TM9SF4: variants seen among roughly 807,000 people sequenced by gnomAD.
TM9SF4 encodes dinucleotide oxidase disulfide thiol exchanger 3 superfamily member 4.
In TM9SF4, 26 loss-of-function variants were observed where a neutral mutation model predicts 90.4. That is an observed-to-expected ratio of 0.29 (90% CI 0.21 to 0.40). TM9SF4 has a LOEUF of 0.40. Among genes scored for constraint, TM9SF4 ranks in the 10% least tolerant of loss-of-function variants. The pLI is 1.00. For synonymous variants in TM9SF4, 293 were observed against 315.4 expected (o/e 0.93, Z 0.75); for missense variants, 549 against 834.8 (o/e 0.66, Z 4.22).
At chr20:32,155,599 A>G (rs2046907683) in intron 13 of TM9SF4, among the ~76,000 whole-genome samples, 1 of 152,182 alleles carries the variant, frequency 6.6e-6, no homozygotes, top group Non-Finnish European at 1.5e-5. Context: ...AGAGGAAAGG[A>G]AGGATCAGGT....
chr20:32,146,564 A>T (rs2046765581), intron 8 of TM9SF4, among the ~76,000 whole-genome samples: 1 of 151,878 alleles, frequency 6.6e-6, no homozygotes, highest in Admixed American at 6.6e-5. Context: ...CATCCCAGCA[A>T]CCCTTTCCTC....
At chr20:32,144,742 C>T (rs2046735432) in intron 6 of TM9SF4, among the ~76,000 whole-genome samples, 1 of 152,002 alleles carries the variant, frequency 6.6e-6, no homozygotes, top group South Asian at 2.1e-4. Flanking sequence ...GGACCTTGTC[C>T]CTACAAAAAA....
At chr20:32,152,747 C>G (rs2122448931) in intron 12 of TM9SF4, among the ~76,000 whole-genome samples, 1 of 152,316 alleles carries the variant, frequency 6.6e-6, no homozygotes, top group African/African-American at 2.4e-5. Context: ...TCACCTCATC[C>G]TTTAAGTCTT....
At chr20:32,125,676 T>C (rs1029221213) in intron 1 of TM9SF4, among the ~76,000 whole-genome samples, 8 of 131,230 alleles carry the variant, frequency 6.1e-5, no homozygotes, top group South Asian at 2.4e-4. Context: ...TGATTTCTCT[T>C]TTTTCTTTTT....
At chr20:32,119,594 A>G (rs1315780443) in intron 1 of TM9SF4, among the ~76,000 whole-genome samples, 6 of 152,242 alleles carry the variant, frequency 3.9e-5, no homozygotes, top group Admixed American at 3.9e-4. Context: ...TGTGATTTGC[A>G]AAGAATTTTC....
At position 32,165,543 on chromosome 20, in the gene TM9SF4, T is replaced by G. The variant is rs1342418034; in HGVS notation, c.*99T>G. The G allele has an allele frequency of 4.2e-6, 6 of 1,423,946 alleles. No individual in the cohort carries two copies. In the East Asian group the frequency reaches 7.0e-5, roughly 17 times the overall value. The allele number at this position is 1,423,946 out of a possible 1,614,324, so 88.2% of individuals were successfully genotyped here. A position where few individuals can be genotyped will look rare whatever the true frequency, so the allele number is the denominator to read the frequency against. ...CAAAATAAAATAACTCCTGCTCGTTTGGAATGTAACTCCTGGCACAGTGTT... is the reference window on the plus strand; with the variant it reads ...CAAAATAAAATAACTCCTGCTCGTTGGGAATGTAACTCCTGGCACAGTGTT... On this transcript the variant is annotated 3_prime_UTR_variant, in exon 18 of 18. Transcript: ENST00000398022.
intron 3 of TM9SF4, among the ~76,000 whole-genome samples, chr20:32,138,013 T>A (rs2046618497): frequency 6.6e-6 from 1 of 152,224 alleles, no homozygotes; most frequent in South Asian, 2.1e-4. Context: ...CTCTGTAAGC[T>A]GAGTATTTCA....
intron 6 of TM9SF4, among the ~76,000 whole-genome samples, chr20:32,144,728 A>T (rs2046734982): frequency 6.6e-6 from 1 of 152,142 alleles, no homozygotes; most frequent in South Asian, 2.1e-4. Context: ...TGGGAAACAT[A>T]AAAGGACCTT....
At chr20:32,160,850 C>T (rs1317038648) in intron 16 of TM9SF4, among the ~76,000 whole-genome samples, 1 of 146,108 alleles carries the variant, frequency 6.8e-6, no homozygotes, top group South Asian at 2.2e-4. Flanking sequence ...CTTGGGAGGC[C>T]GAGGCAGGAG....
intron 11 of TM9SF4, 38 bp downstream of exon 11, chr20:32,150,741 GCCT>G (rs2046830261): frequency 6.2e-7 from 1 of 1,614,206 alleles, no homozygotes; most frequent in Non-Finnish European, 8.5e-7. Context: ...GGCGGCACAG[GCCT>G]CCTCCACACC....
intron 15 of TM9SF4, 73 bp from the exon 16 acceptor site, chr20:32,159,919 G>A: frequency 6.2e-7 from 1 of 1,602,554 alleles, no homozygotes. Context: ...TCCTGCCCTT[G>A]TGACAGGTTG....
intron 3 of TM9SF4, chr20:32,136,862 T>G: frequency 4.2e-6 from 2 of 471,204 alleles, no homozygotes; most frequent in Non-Finnish European, 8.8e-6. Context: ...GAGACTTTCT[T>G]TTCTTACACC....
At chr20:32,135,855 G>A (rs777743514) in intron 2 of TM9SF4, among the ~76,000 whole-genome samples, 3 of 152,176 alleles carry the variant, frequency 2.0e-5, no homozygotes, top group African/African-American at 7.2e-5. Flanking sequence ...CTCTCACAAT[G>A]TATTGAATTT....
rs1254502957 is a variant in TM9SF4 at position 32,166,121 on chromosome 20, C to G, written c.*677C>G. On this transcript the variant is annotated 3_prime_UTR_variant, in exon 18 of 18. Coordinates refer to ENST00000398022, the MANE Select transcript of TM9SF4 (RefSeq NM_014742.4). The stretch of plus-strand genomic sequence containing the variant: ...AAGTCTTAGTTGCTACAAGAAAATC[C>G]CCTGGAAGTACTGGGGGCCAGGTTC... The G allele has an allele frequency of 1.3e-5, 2 of 152,886 alleles. No homozygotes were observed. The highest frequency in any genetic ancestry group is 3.8e-4 in the East Asian group (2 of 5,208). 9.5% of individuals were successfully genotyped at this position (152,886 alleles called of 1,614,324 possible).
At chr20:32,164,148 C>G (rs540562549) in intron 17 of TM9SF4, among the ~76,000 whole-genome samples, 1 of 152,156 alleles carries the variant, frequency 6.6e-6, no homozygotes, top group Admixed American at 6.5e-5. Flanking sequence ...TTTGCCTCGT[C>G]CCTTGCCTCC....
chr20:32,156,774 TA>T (rs1228196682), intron 13 of TM9SF4, among the ~76,000 whole-genome samples: 58 of 147,004 alleles, frequency 3.9e-4, no homozygotes, highest in East Asian at 1.4e-3. Flanking sequence ...ACTCGGCAAT[TA>T]AAAAAAAAAA....
At chr20:32,117,780 C>T (rs1292517926) in intron 1 of TM9SF4, among the ~76,000 whole-genome samples, 1 of 152,168 alleles carries the variant, frequency 6.6e-6, no homozygotes, top group Non-Finnish European at 1.5e-5. Flanking sequence ...TTGCCATCAC[C>T]TTGTTCCTTG....
At chr20:32,129,516 C>G (rs1034851104) in intron 1 of TM9SF4, among the ~76,000 whole-genome samples, 2 of 151,828 alleles carry the variant, frequency 1.3e-5, no homozygotes, top group Admixed American at 6.6e-5. Flanking sequence ...CATGTCATCA[C>G]TTTCAATGAC....
rs376646235 is a variant in TM9SF4 at position 32,125,358 on chromosome 20, A to G, written c.16-7655A>G. Reference sequence around the variant, plus strand: ...AGAACCCAAGACTCAAAAGAGTTATACAAATTTACCCAAAGTCACACAGCT... The same window carrying G: ...AGAACCCAAGACTCAAAAGAGTTATGCAAATTTACCCAAAGTCACACAGCT... On this transcript the variant is annotated intron_variant, in intron 1 of 17. Transcript: ENST00000398022. Among the ~76,000 whole-genome samples the G allele has an allele frequency of 1.9e-4, 29 of 152,362 alleles. No individual in the cohort carries two copies. The South Asian group carries it at 5.6e-3, about 29-fold the overall frequency.
Sources: allele counts gnomAD v4.1 joint callset (sites outside exome capture counted in the v4.1 genomes callset), GRCh38; gene constraint gnomAD v4.1.1; transcripts MANE v1.5; gene names NCBI Gene and HGNC (gene_info 2026-07-23, HGNC 2026-07-21).